TAF3: variants seen among roughly 807,000 people sequenced by gnomAD.
TAF3 encodes TATA-box binding protein associated factor 3.
In TAF3, 7 loss-of-function variants were observed where a neutral mutation model predicts 80.6. The ratio of observed to expected loss-of-function variants is 0.09; its 90% CI spans 0.05 to 0.16. The LOEUF (loss-of-function observed/expected upper bound fraction) is 0.16, where lower values mean the gene tolerates loss of function less well. Ranked by LOEUF, TAF3 falls within the 10% of genes least tolerant of loss-of-function variation. TAF3 has a pLI of 1.00. For synonymous variants in TAF3, 444 were observed against 446.1 expected, an observed-to-expected ratio of 1.00 and a Z score of 0.06; for missense variants, 921 against 1,140.2, an observed-to-expected ratio of 0.81 and a Z score of 2.77.
In TAF3 at chr10:7,839,079, G is replaced by T. The variant is rs1588518884; in HGVS notation, c.409+14519G>T. ...CAGGGCCCTGTGTGATCGGACTCCTGCCCACTTGACATGTTAGTTACTTGC... is the reference window on the plus strand; with the variant it reads ...CAGGGCCCTGTGTGATCGGACTCCTTCCCACTTGACATGTTAGTTACTTGC... On this transcript the variant is annotated intron_variant, in intron 2 of 6. Transcript: ENST00000344293. Among the ~76,000 whole-genome samples, 4 of 151,966 alleles carry T rather than the reference G, an allele frequency of 2.6e-5. No individual in the cohort carries two copies. In the South Asian group the frequency reaches 8.3e-4, roughly 32 times the overall value.
intron 4 of TAF3, among the ~76,000 whole-genome samples, chr10:7,989,749 C>T (rs1588578687): frequency 6.6e-6 from 1 of 152,246 alleles, no homozygotes; most frequent in Non-Finnish European, 1.5e-5. Flanking sequence ...AACAATATCT[C>T]GGCGTTTGGT....
intron 2 of TAF3, among the ~76,000 whole-genome samples, chr10:7,960,013 G>A (rs1278099189): frequency 6.6e-6 from 1 of 152,128 alleles, no homozygotes; most frequent in Non-Finnish European, 1.5e-5. Flanking sequence ...TTAGAGCTGA[G>A]CTATATCCAG....
At chr10:7,883,374 C>G (rs1837379177) in intron 2 of TAF3, among the ~76,000 whole-genome samples, 1 of 152,190 alleles carries the variant, frequency 6.6e-6, no homozygotes, top group Admixed American at 6.5e-5. Flanking sequence ...ATCAGAAATA[C>G]CGTAGACGGT....
intron 2 of TAF3, among the ~76,000 whole-genome samples, chr10:7,957,782 T>C (rs1222567460): frequency 8.3e-6 from 1 of 120,586 alleles, no homozygotes; most frequent in Non-Finnish European, 1.7e-5. Context: ...TGTCTCACGC[T>C]CTCTCTAGCG....
chr10:7,915,366 C>T (rs959739790), intron 2 of TAF3, among the ~76,000 whole-genome samples: 46 of 147,790 alleles, frequency 3.1e-4, no homozygotes, highest in African/African-American at 9.3e-4. Context: ...AATCATGGGC[C>T]GGGCGCAGTG....
At position 7,824,511 on chromosome 10, in the gene TAF3, A is replaced by C; in HGVS notation, c.360A>C (p.Arg120Ser). 6.2e-7 allele frequency: 1 copy of C among 1,614,200 alleles called. No individual in the cohort carries two copies. The highest frequency in any genetic ancestry group is 8.5e-7 in the Non-Finnish European group (1 of 1,180,018). Residue 120 changes from arginine (R) to serine (S), a missense_variant, in exon 2 of 7, where the codon AGA (arginine) becomes AGC (serine). Coordinates refer to ENST00000344293, the MANE Select transcript of TAF3 (RefSeq NM_031923.4). The part of the protein sequence containing the change: ...PQPGSKDAEE[R>S]KEYIPDYLPP... ...CTGGAAGTAAAGATGCAGAGGAAAG[A>C]AAAGAATACATTCCTGATTACCTGC...
chr10:8,002,596 C>A (rs970385167), intron 4 of TAF3, among the ~76,000 whole-genome samples: 1 of 152,082 alleles, frequency 6.6e-6, no homozygotes, highest in South Asian at 2.1e-4. Flanking sequence ...TGTTTTTTAG[C>A]CTTAAGAAAT....
chr10:7,951,054 A>G (rs1838077495), intron 2 of TAF3, among the ~76,000 whole-genome samples: 1 of 152,222 alleles, frequency 6.6e-6, no homozygotes, highest in Non-Finnish European at 1.5e-5. Flanking sequence ...CACATGTAAA[A>G]CAAGGGTATG....
chr10:7,848,660 G>A (rs1836996855), intron 2 of TAF3, among the ~76,000 whole-genome samples: 1 of 152,174 alleles, frequency 6.6e-6, no homozygotes, highest in African/African-American at 2.4e-5. Flanking sequence ...CTCAAATGAA[G>A]TTGTTAGTGT....
intron 2 of TAF3, 43 bp from the exon 3 acceptor site, chr10:7,963,877 C>T: frequency 6.8e-6 from 10 of 1,476,474 alleles, no homozygotes; most frequent in Non-Finnish European, 9.0e-6. Flanking sequence ...TTGTTACATT[C>T]CAATAATATT....
intron 2 of TAF3, among the ~76,000 whole-genome samples, chr10:7,911,401 T>G (rs889956801): frequency 6.6e-6 from 1 of 152,266 alleles, no homozygotes; most frequent in Admixed American, 6.5e-5. Flanking sequence ...GAACACTTGC[T>G]TCTGAGTTTC....
intron 2 of TAF3, among the ~76,000 whole-genome samples, chr10:7,863,628 T>A (rs1365396341): frequency 0.16 from 8,288 of 50,412 alleles, 1,845 homozygotes; most frequent in African/African-American, 0.38. Context: ...AAAAAAAAAA[T>A]ATATATATAT....
intron 2 of TAF3, among the ~76,000 whole-genome samples, chr10:7,919,478 A>G (rs912385804): frequency 3.9e-5 from 6 of 152,290 alleles, no homozygotes; most frequent in South Asian, 2.1e-4. Flanking sequence ...TAGAATTAGA[A>G]TGAATACTAG....
At chr10:7,821,231 A>T (rs1315882292) in intron 1 of TAF3, among the ~76,000 whole-genome samples, 1 of 139,078 alleles carries the variant, frequency 7.2e-6, no homozygotes, top group Non-Finnish European at 1.6e-5. Flanking sequence ...ACTTTTTTTT[A>T]ATGCTAATTT....
At chr10:8,013,649 A>G (rs892054750) in intron 5 of TAF3, 82 bp from the exon 6 acceptor site, 15 of 1,102,826 alleles carry the variant, frequency 1.4e-5, no homozygotes, top group Middle Eastern at 2.0e-4. Flanking sequence ...TTAACAGTAT[A>G]AAGTAATCAT....
intron 2 of TAF3, among the ~76,000 whole-genome samples, chr10:7,838,078 G>C (rs990842980): frequency 1.3e-5 from 2 of 152,146 alleles, no homozygotes; most frequent in Non-Finnish European, 2.9e-5. Flanking sequence ...CCCATTTATG[G>C]AAGGAGAAAT....
At chr10:7,865,572 C>T (rs1412545765) in intron 2 of TAF3, among the ~76,000 whole-genome samples, 1 of 152,190 alleles carries the variant, frequency 6.6e-6, no homozygotes, top group East Asian at 1.9e-4. Flanking sequence ...TGTGTGGGGC[C>T]TCCCTGGAGG....
rs535697698 is a variant in TAF3, at chr10:7,877,724, TGTGATGAA to T, written c.409+53169_409+53176del. Among the ~76,000 whole-genome samples the T allele has an allele frequency of 8.3e-3, 1,270 of 152,244 alleles. 14 individuals carry two copies. The highest frequency in any genetic ancestry group is 0.027 in the African/African-American group (1,141 of 41,544). On this transcript the variant is annotated intron_variant, in intron 2 of 6. Transcript: ENST00000344293. Reference sequence around the variant, plus strand: ...AAAAAATAAGACAACTGAGACCCATTGTGATGAAGTGACTTGGCCAAGATCTTAAAAGC... The same window carrying T: ...AAAAAATAAGACAACTGAGACCCATTGTGACTTGGCCAAGATCTTAAAAGC...
chr10:7,881,239 CA>C (rs367722402), intron 2 of TAF3, among the ~76,000 whole-genome samples: 50 of 109,038 alleles, frequency 4.6e-4, no homozygotes, highest in Middle Eastern at 4.9e-3. Flanking sequence ...GACCCTGTCT[CA>C]AAAAAAAAAA....
Sources: allele counts gnomAD v4.1 joint callset (sites outside exome capture counted in the v4.1 genomes callset), GRCh38; gene constraint gnomAD v4.1.1; transcripts MANE v1.5; gene names NCBI Gene and HGNC (gene_info 2026-07-23, HGNC 2026-07-21).